The following SETD1A variants were observed in gnomAD, a reference collection of about 807,000 sequenced individuals.
The protein encoded by SETD1A is histone-lysine N-methyltransferase SETD1A.
In SETD1A, 29 loss-of-function variants were observed where a neutral mutation model predicts 149.9. That is an observed-to-expected ratio of 0.19 (90% CI 0.14 to 0.26). SETD1A has a LOEUF of 0.26. Ranked by LOEUF, SETD1A falls within the 10% of genes least tolerant of loss-of-function variation. The probability of loss-of-function intolerance (pLI) is 1.00; values close to 1 mark genes in which losing one functional copy is unlikely to be tolerated. For missense variants in SETD1A, 2,109 were observed against 2,353.1 expected (o/e 0.90, Z 2.15); for synonymous variants, 1,141 against 968.5 (o/e 1.18, Z -3.31).
At chr16:30,978,057 C>T (rs996761486) in intron 13 of SETD1A, among the ~76,000 whole-genome samples, 1 of 151,554 alleles carries the variant, frequency 6.6e-6, no homozygotes, top group African/African-American at 2.4e-5. Context: ...GGGCAGATCA[C>T]GAGGTCAAGA....
rs1171950938 is a variant in SETD1A at position 30,979,158 on chromosome 16, G to C, written c.3372G>C (p.Glu1124Asp). 6.4e-6 allele frequency: 10 copies of C among 1,571,172 alleles called. No homozygotes were observed. Among genetic ancestry groups the C allele is most frequent in the Non-Finnish European group, 8.6e-6 (10 of 1,158,934 alleles). ...SPARPAGPTEESPPSAPLRPP... is the reference protein window; with the variant it reads ...SPARPAGPTEDSPPSAPLRPP... ...CTTCCTTCCCAGGCCCCACGGAGGA[G>C]TCACCCCCCAGTGCGCCTCTGCGTC... Residue 1124 changes from glutamate to aspartate, a missense_variant, in exon 14 of 19, where the codon GAG (glutamate) becomes GAC (aspartate). By Grantham distance (45) the Glu-to-Asp change is conservative. This residue lies in a region of SETD1A where 832 missense variants were observed against 815.6 expected (regional missense o/e 1.02). Transcript: ENST00000262519.
chr16:30,974,355 G>A (rs2056259344), intron 13 of SETD1A, among the ~76,000 whole-genome samples: 1 of 152,122 alleles, frequency 6.6e-6, no homozygotes, highest in Non-Finnish European at 1.5e-5. Context: ...GGTCTTGAAA[G>A]TGTAGCAGTG....
intron 12 of SETD1A, among the ~76,000 whole-genome samples, 158 bp downstream of exon 12, chr16:30,969,847 G>A (rs986885487): frequency 5.3e-5 from 8 of 152,174 alleles, no homozygotes; most frequent in Non-Finnish European, 1.2e-4. Flanking sequence ...AGGAACCCTT[G>A]GCCCCTTGAC....
At position 30,965,404 on chromosome 16, in the gene SETD1A, A is replaced by G. The variant is rs568090802; in HGVS notation, c.1662A>G (p.Thr554=). The change falls in exon 7 of 19, where the codon ACA becomes ACG. Residue 554 remains threonine, a synonymous_variant. Coordinates refer to ENST00000262519, the MANE Select transcript of SETD1A (RefSeq NM_014712.3). ...APANFEDVAP[T]GSGEPGATRE... ...CTAATTTTGAGGATGTGGCACCTAC[A>G]GGGAGCGGGGAGCCAGGGGCTACCC... 3.9e-5 allele frequency: 63 copies of G among 1,606,562 alleles called. No homozygotes were observed. The highest frequency in any genetic ancestry group is 6.7e-5 in the East Asian group (3 of 44,546).
chr16:30,965,042 C>T lies in SETD1A; in HGVS notation c.1300C>T (p.Pro434Ser). 7 of 1,612,294 alleles carry T rather than the reference C, an allele frequency of 4.3e-6. No homozygotes were observed. Among genetic ancestry groups the T allele is most frequent in the South Asian group, 1.1e-5 (1 of 91,042 alleles). Residue 434 changes from proline (P) to serine (S), a missense_variant, in exon 7 of 19, where the codon CCC (proline) becomes TCC (serine). By Grantham distance (74) the Pro-to-Ser change is moderately conservative. This residue lies in a region of SETD1A where 410 missense variants were observed against 394.8 expected (regional missense o/e 1.04). Transcript: ENST00000262519. ...DYRPPASEAP[P>S]PEPPEPGGGG... is the part of the protein sequence containing the mutation. ...CCGGCCTCCTGCCTCAGAGGCTCCA[C>T]CCCCGGAGCCTCCAGAACCTGGTGG... is the stretch of plus-strand genomic sequence containing the variant.
rs777398092 is a variant in SETD1A, at chr16:30,983,699, G to A, written c.4877G>A (p.Arg1626Gln). The change falls in exon 18 of 19, where the codon CGG becomes CAG. Residue 1626 changes from arginine to glutamine, a missense_variant. Coordinates refer to ENST00000262519, the MANE Select transcript of SETD1A (RefSeq NM_014712.3). This position sits in a 1 kb window ranked among gnomAD's most constrained non-coding sequence, Gnocchi z 6.8. ...GGCATTGGCAGCAGCTACCTGTTCCGGGTGGACCACGACACCATCATCGAT... is the reference window on the plus strand; with the variant it reads ...GGCATTGGCAGCAGCTACCTGTTCCAGGTGGACCACGACACCATCATCGAT... ...QEGIGSSYLFRVDHDTIIDAT... is the reference protein window; with the variant it reads ...QEGIGSSYLFQVDHDTIIDAT... The A allele has an allele frequency of 2.5e-6, 4 of 1,614,034 alleles. No homozygotes were observed. Among genetic ancestry groups the A allele is most frequent in the East Asian group, 2.2e-5 (1 of 44,872 alleles).
At chr16:30,965,523 G>C in intron 7 of SETD1A, 62 bp downstream of exon 7, 3 of 1,589,630 alleles carry the variant, frequency 1.9e-6, no homozygotes, top group Non-Finnish European at 2.6e-6. Context: ...GGGCCTAGGG[G>C]AGAGGGAAGG....
Position 30,964,724 on chromosome 16 carries a change from G to A in SETD1A, c.982G>A (p.Ala328Thr), listed in dbSNP as rs201145470. The A allele has an allele frequency of 1.7e-5, 28 of 1,614,084 alleles. No individual in the cohort carries two copies. Among genetic ancestry groups the A allele is most frequent in the Admixed American group, 8.3e-5 (5 of 60,006 alleles). Residue 328 changes from alanine to threonine, a missense_variant, in exon 7 of 19, where the codon GCC (alanine) becomes ACC (threonine). Physicochemically the swap from Ala to Thr is moderately conservative, Grantham distance 58 (BLOSUM62 0). Coordinates refer to ENST00000262519, the MANE Select transcript of SETD1A (RefSeq NM_014712.3). ...SASTTASTAI[A>T]ATTAATASSS... ...CTCCACAACCGCCTCCACGGCCATC[G>A]CCGCCACCACTGCAGCCACTGCCTC...
rs201146543 is a variant in SETD1A, at chr16:30,958,751, G to T, written c.20G>T (p.Gly7Val). Residue 7 changes from glycine (G) to valine (V), a missense_variant, in exon 2 of 19, where the codon GGA becomes GTA. Coordinates refer to ENST00000262519, the MANE Select transcript of SETD1A (RefSeq NM_014712.3). ...GCAAAGATGGATCAGGAAGGTGGGG[G>T]AGATGGGCAGAAGGCCCCGAGCTTC... MDQEGG[G>V]DGQKAPSFQW... is the part of the protein sequence containing the mutation. 22 of 1,614,178 alleles carry T rather than the reference G, an allele frequency of 1.4e-5. No individual in the cohort carries two copies. In the African/African-American group the frequency reaches 2.7e-4, roughly 20 times the overall value.
chr16:30,965,141 C>T lies in SETD1A; in HGVS notation c.1399C>T (p.Arg467Cys), dbSNP rs764354827. Residue 467 changes from arginine (R) to cysteine (C), a missense_variant, in exon 7 of 19, where the codon CGC becomes TGC. Around this residue, in one of 8 missense-constraint regions of SETD1A, gnomAD observed 410 missense variants for 394.8 expected, o/e 1.04. Coordinates refer to ENST00000262519, the MANE Select transcript of SETD1A (RefSeq NM_014712.3). ...RTSPRPASPA[R>C]SGSPAPETTN... ...TTCCCCCCGCCCAGCCTCCCCTGCCCGCTCTGGCTCCCCAGCCCCGGAGAC... is the reference window on the plus strand; with the variant it reads ...TTCCCCCCGCCCAGCCTCCCCTGCCTGCTCTGGCTCCCCAGCCCCGGAGAC... The T allele has an allele frequency of 2.5e-5, 40 of 1,612,998 alleles. No individual in the cohort carries two copies. The highest frequency in any genetic ancestry group is 8.9e-5 in the East Asian group (4 of 44,882).
rs1472352655 is a variant in SETD1A at position 30,979,445 on chromosome 16, G to A, written c.3659G>A (p.Ser1220Asn). The change falls in exon 14 of 19, where the codon AGT becomes AAT. Residue 1220 changes from serine to asparagine, a missense_variant. Around this residue, in one of 8 missense-constraint regions of SETD1A, gnomAD observed 832 missense variants for 815.6 expected, o/e 1.02. Transcript: ENST00000262519. ...LPLDHASLVK[S>N]WPEEVSRGGR... is the part of the protein sequence containing the mutation. ...CTGGACCACGCATCTCTGGTCAAGA[G>A]TTGGCCCGAGGAGGTGTCCCGAGGA... 1 of 1,605,438 alleles carries A rather than the reference G, an allele frequency of 6.2e-7. No individual in the cohort carries two copies. The highest frequency in any genetic ancestry group is 8.5e-7 in the Non-Finnish European group (1 of 1,176,142).
Position 30,983,987 on chromosome 16 carries a change from G to A in SETD1A, c.5088G>A (p.Leu1696=), listed in dbSNP as rs772179483. The A allele has an allele frequency of 6.2e-7, 1 of 1,614,004 alleles. No homozygotes were observed. Among genetic ancestry groups the A allele is most frequent in the Non-Finnish European group, 8.5e-7 (1 of 1,179,936 alleles). Reference sequence around the variant, plus strand: ...TGGAAGACAACAAGATCCCGTGTCTGTGTGGCACAGAGAGCTGCCGGGGCT... The same window carrying A: ...TGGAAGACAACAAGATCCCGTGTCTATGTGGCACAGAGAGCTGCCGGGGCT... ...FPLEDNKIPC[L]CGTESCRGSL... The change falls in exon 19 of 19, where the codon CTG becomes CTA. Residue 1696 remains leucine, a synonymous_variant. Transcript: ENST00000262519. This position sits in a 1 kb window ranked among gnomAD's most constrained non-coding sequence, Gnocchi z 6.8.
At chr16:30,970,001 C>A (rs548093316) in intron 12 of SETD1A, among the ~76,000 whole-genome samples, 1 of 152,146 alleles carries the variant, frequency 6.6e-6, no homozygotes, top group Non-Finnish European at 1.5e-5. Flanking sequence ...GAGTTTCGCT[C>A]TTGTCGCCCA....
In SETD1A at chr16:30,979,717, C is replaced by G. The variant is rs756766306; in HGVS notation, c.3931C>G (p.Pro1311Ala). ...TGCCCTGGCCGTCAAGCCCACGCCCCCTGCGCCAGCCCTGCGGCCCCCGGA... is the reference window on the plus strand; with the variant it reads ...TGCCCTGGCCGTCAAGCCCACGCCCGCTGCGCCAGCCCTGCGGCCCCCGGA... ...NYALAVKPTP[P>A]APALRPPEPV... Residue 1311 changes from proline (P) to alanine (A), a missense_variant, in exon 14 of 19, where the codon CCT becomes GCT. By Grantham distance (27) the Pro-to-Ala change is conservative (BLOSUM62 -1). This residue lies in a region of SETD1A where 832 missense variants were observed against 815.6 expected (regional missense o/e 1.02). Coordinates refer to ENST00000262519, the MANE Select transcript of SETD1A (RefSeq NM_014712.3). The G allele has an allele frequency of 6.2e-7, 1 of 1,601,382 alleles. No homozygotes were observed. The highest frequency in any genetic ancestry group is 1.1e-5 in the South Asian group (1 of 90,956).
chr16:30,965,040 C>T lies in SETD1A; in HGVS notation c.1298C>T (p.Pro433Leu). ...QDYRPPASEA[P>L]PPEPPEPGGG... Reference sequence around the variant, plus strand: ...TACCGGCCTCCTGCCTCAGAGGCTCCACCCCCGGAGCCTCCAGAACCTGGT... The same window carrying T: ...TACCGGCCTCCTGCCTCAGAGGCTCTACCCCCGGAGCCTCCAGAACCTGGT... Residue 433 changes from proline to leucine, a missense_variant, in exon 7 of 19, where the codon CCA becomes CTA. Transcript: ENST00000262519. 2 of 1,612,858 alleles carry T rather than the reference C, an allele frequency of 1.2e-6. No individual in the cohort carries two copies. Among genetic ancestry groups the T allele is most frequent in the Middle Eastern group, 1.7e-4 (1 of 6,060 alleles).
intron 17 of SETD1A, among the ~76,000 whole-genome samples, chr16:30,982,016 T>C (rs1189661913): frequency 1.3e-5 from 2 of 151,702 alleles, no homozygotes; most frequent in Non-Finnish European, 2.9e-5. Context: ...ATCTGGGGAG[T>C]TGGGCTATGG....
Position 30,979,882 on chromosome 16 carries a change from G to A in SETD1A, c.4096G>A (p.Glu1366Lys). The change falls in exon 14 of 19, where the codon GAG becomes AAG. Residue 1366 changes from glutamate (E) to lysine (K), a missense_variant. This residue lies in a region of SETD1A where 832 missense variants were observed against 815.6 expected (regional missense o/e 1.02). Coordinates refer to ENST00000262519, the MANE Select transcript of SETD1A (RefSeq NM_014712.3). ...GCGGGAGGAGGGCGAAGAGGAGGGG[G>A]AGGAAGAGGGGGAGGAAGAGGAGGA... ...QQREEGEEEG[E>K]EEGEEEEEES... 6.5e-7 allele frequency: 1 copy of A among 1,534,570 alleles called. No homozygotes were observed. The highest frequency in any genetic ancestry group is 8.7e-7 in the Non-Finnish European group (1 of 1,146,272).
intron 13 of SETD1A, 128 bp downstream of exon 13, chr16:30,971,847 A>C: frequency 8.1e-7 from 1 of 1,228,976 alleles, no homozygotes. Context: ...AAATGTCACC[A>C]TCTCCTGTCA....
intron 13 of SETD1A, among the ~76,000 whole-genome samples, chr16:30,974,782 A>AG (rs1372687457): frequency 6.6e-6 from 1 of 152,016 alleles, no homozygotes; most frequent in African/African-American, 2.4e-5. Context: ...TGAGGTGGGC[A>AG]GATCACTTGA....
Sources: gnomAD v4.1 joint callset for allele counts (sites outside exome capture counted in the v4.1 genomes callset) on GRCh38, gnomAD v4.1.1 for gene constraint, gnomAD v4.1.1 regional missense constraint, Gnocchi (gnomAD v3.1) non-coding constraint, MANE v1.5 for transcripts, NCBI Gene and HGNC (gene_info 2026-07-23, HGNC 2026-07-21) for gene names.